The following ARL13A variants were observed in gnomAD, a reference collection of about 807,000 sequenced individuals.
The protein encoded by ARL13A is ADP-ribosylation factor-like protein 13A.
ARL13A carries 16 observed loss-of-function variants against 19.1 expected under a neutral mutation model. That is an observed-to-expected ratio of 0.84 (90% CI 0.57 to 1.27). The LOEUF is 1.27. ARL13A is among the 50% of genes most tolerant of loss of function. The probability of loss-of-function intolerance (pLI) is 0.00; values close to 1 mark genes in which losing one functional copy is unlikely to be tolerated. For missense variants in ARL13A, 153 were observed against 186.4 expected, an observed-to-expected ratio of 0.82 and a Z score of 1.04; for synonymous variants, 69 against 71.3, an observed-to-expected ratio of 0.97 and a Z score of 0.17.
intron 3 of ARL13A, among the ~76,000 whole-genome samples, chrX:100,983,273 A>T (rs949052463): frequency 9.0e-6 from 1 of 111,239 alleles, no homozygotes; most frequent in Admixed American, 9.5e-5. Context: ...TAGGAAAAAA[A>T]TTTTTTTCTC....
In ARL13A at chrX:100,990,623, A is replaced by C. The variant is rs2086004835; in HGVS notation, c.*35A>C. On this transcript the variant is annotated 3_prime_UTR_variant, in exon 8 of 8. Transcript: ENST00000450049. ...GAAGAGTGAGATGGCATCCATTGAG[A>C]ATGAAGACCACCTTGGTAAAAAAGA... 2 of 1,118,767 alleles carry C rather than the reference A, an allele frequency of 1.8e-6. No homozygotes were observed. The highest frequency in any genetic ancestry group is 3.3e-5 in the East Asian group (1 of 30,485). 92.2% of individuals were successfully genotyped at this position (1,118,767 alleles called of 1,213,427 possible). A position where few individuals can be genotyped will look rare whatever the true frequency, so the allele number is the denominator to read the frequency against.
chrX:100,990,785 AG>A lies in ARL13A; in HGVS notation c.*199del. On this transcript the variant is annotated 3_prime_UTR_variant, in exon 8 of 8. Transcript: ENST00000450049. ...AAGTATTTTTTTCTTTAAGGTTCTT[AG>A]GCAGAAAAGGATTGGCAAAAATAAA... 2.5e-6 allele frequency: 1 copy of A among 404,302 alleles called. No homozygotes were observed. 33.3% of individuals were successfully genotyped at this position (404,302 alleles called of 1,213,427 possible).
chrX:100,983,682 T>C (rs1480411573), intron 3 of ARL13A, among the ~76,000 whole-genome samples: 1 of 111,783 alleles, frequency 8.9e-6, no homozygotes, highest in Non-Finnish European at 1.9e-5. Context: ...AGTAGTCTAA[T>C]ACAGATATAG....
intron 1 of ARL13A, among the ~76,000 whole-genome samples, chrX:100,972,490 A>AC (rs1190299485): frequency 1.1e-3 from 87 of 76,211 alleles, no homozygotes; most frequent in African/African-American, 4.1e-3. Flanking sequence ...AGGGGGGCTG[A>AC]CCCCCCCCAC....
At chrX:100,970,606 C>T (rs1257488622) in intron 1 of ARL13A, among the ~76,000 whole-genome samples, 3 of 111,641 alleles carry the variant, frequency 2.7e-5, no homozygotes, top group African/African-American at 9.8e-5. Context: ...AAAATCTGTG[C>T]ATTCTCAAAT....
At chrX:100,979,493 T>A (rs1277976970) in intron 3 of ARL13A, among the ~76,000 whole-genome samples, 1 of 112,303 alleles carries the variant, frequency 8.9e-6, no homozygotes, top group African/African-American at 3.2e-5. Flanking sequence ...TCTGATAAAT[T>A]CTGAATTCCT....
Position 100,974,152 on chromosome X carries a change from T to C in ARL13A, c.85T>C (p.Leu29=), listed in dbSNP as rs771438219. ...GAATGTGACCATCCCTATCATTGGC[T>C]TGAACAACTCTGGCAAAACTGTTCT... The part of the protein sequence containing the change: ...RRNVTIPIIG[L]NNSGKTVLVE... Residue 29 remains leucine, a synonymous_variant, in exon 3 of 8, where the codon TTG becomes CTG. Coordinates refer to ENST00000450049, the MANE Select transcript of ARL13A (RefSeq NM_001162491.2). The C allele has an allele frequency of 1.7e-6, 2 of 1,194,034 alleles. No homozygotes were observed. The highest frequency in any genetic ancestry group is 3.0e-5 in the East Asian group (1 of 33,351).
chrX:100,971,540 C>T (rs2085648303), intron 1 of ARL13A, among the ~76,000 whole-genome samples: 1 of 86,312 alleles, frequency 1.2e-5, no homozygotes, highest in Non-Finnish European at 2.1e-5. Context: ...CAGAACTTGT[C>T]GCTGCAGTTG....
chrX:100,977,852 G>T (rs1281772632), intron 3 of ARL13A, among the ~76,000 whole-genome samples: 1 of 112,015 alleles, frequency 8.9e-6, no homozygotes, highest in East Asian at 2.8e-4. Flanking sequence ...TTTTTTTATG[G>T]CTAAATAGTA....
At chrX:100,979,949 T>TG (rs1238075215) in intron 3 of ARL13A, among the ~76,000 whole-genome samples, 1 of 111,301 alleles carries the variant, frequency 9.0e-6, no homozygotes, top group Admixed American at 9.5e-5. Context: ...CCCAAACAAA[T>TG]GGAGTCTCTC....
chrX:100,986,937 A>G (rs1257844120), intron 5 of ARL13A, 36 bp downstream of exon 5: 1 of 996,112 alleles, frequency 1.0e-6, no homozygotes, highest in East Asian at 3.1e-5. Flanking sequence ...CTTCCTCTGG[A>G]GCCCAGCTGA....
At chrX:100,986,973 C>A in intron 5 of ARL13A, 72 bp downstream of exon 5, 1 of 714,182 alleles carries the variant, frequency 1.4e-6, no homozygotes, top group South Asian at 3.2e-5. Context: ...ATTCTATAGT[C>A]AGTCCCATAT....
At chrX:100,979,874 G>C (rs998483341) in intron 3 of ARL13A, among the ~76,000 whole-genome samples, 1 of 111,629 alleles carries the variant, frequency 9.0e-6, no homozygotes, top group African/African-American at 3.3e-5. Context: ...GGTGGTCTTG[G>C]GTAAGATCTG....
intron 7 of ARL13A, among the ~76,000 whole-genome samples, chrX:100,988,752 T>C (rs1167792333): frequency 9.4e-6 from 1 of 106,641 alleles, no homozygotes; most frequent in East Asian, 2.9e-4. Flanking sequence ...CCAGCACTGG[T>C]TGACATAAGA....
chrX:100,988,577 T>C (rs2085969866), intron 7 of ARL13A: 1 of 982,481 alleles, frequency 1.0e-6, no homozygotes, highest in South Asian at 2.7e-5. Flanking sequence ...GGATCAGTGG[T>C]TAGAGAAGAA....
At chrX:100,982,366 CCT>C (rs1345737860) in intron 3 of ARL13A, among the ~76,000 whole-genome samples, 1 of 110,566 alleles carries the variant, frequency 9.0e-6, no homozygotes, top group African/African-American at 3.3e-5. Flanking sequence ...GTGGTGGGGG[CCT>C]GTAATCTCAG....
intron 3 of ARL13A, among the ~76,000 whole-genome samples, chrX:100,981,299 C>T (rs777536587): frequency 1.4e-4 from 16 of 111,990 alleles, no homozygotes; most frequent in Non-Finnish European, 1.3e-4. Flanking sequence ...ATGCTTCCTC[C>T]GTAAGTGCTG....
chrX:100,988,121 G>A, intron 6 of ARL13A, 72 bp from the exon 7 acceptor site: 5 of 841,981 alleles, frequency 5.9e-6, no homozygotes, highest in Non-Finnish European at 8.6e-6. Flanking sequence ...GGATGGGGTA[G>A]TAGCTGCATT....
chrX:100,989,989 T>A (rs1435737111), intron 7 of ARL13A, among the ~76,000 whole-genome samples: 1 of 112,645 alleles, frequency 8.9e-6, no homozygotes, highest in Non-Finnish European at 1.9e-5. Context: ...TACCCCTAAA[T>A]CTTTGTCCAA....
Sources: allele counts gnomAD v4.1 joint callset (sites outside exome capture counted in the v4.1 genomes callset), GRCh38; gene constraint gnomAD v4.1.1; transcripts MANE v1.5; gene names NCBI Gene and HGNC (gene_info 2026-07-23, HGNC 2026-07-21).